The following SLC9B2 variants were observed in gnomAD, a reference collection of about 807,000 sequenced individuals.
SLC9B2 encodes the protein sodium/hydrogen exchanger 9B2.
A neutral mutation model predicts 52.2 loss-of-function variants in SLC9B2; 39 were observed. That is an observed-to-expected ratio of 0.75 (90% CI 0.58 to 0.98). SLC9B2 has a LOEUF of 0.98. Among genes scored for constraint, SLC9B2 ranks in the 50% least tolerant of loss-of-function variants. The probability of loss-of-function intolerance (pLI) is 0.00; values close to 1 mark genes in which losing one functional copy is unlikely to be tolerated. For synonymous variants in SLC9B2, 214 were observed against 227.0 expected (o/e 0.94, Z 0.51); for missense variants, 626 against 637.5 (o/e 0.98, Z 0.19).
At chr4:103,049,731 G>C (rs776693087) in intron 5 of SLC9B2, among the ~76,000 whole-genome samples, 10 of 152,282 alleles carry the variant, frequency 6.6e-5, no homozygotes, top group Non-Finnish European at 1.5e-4. Context: ...AATGAGACCG[G>C]CTGGGCGCAG....
At position 103,030,922 on chromosome 4, in the gene SLC9B2, C is replaced by T. The variant is rs1428083057; in HGVS notation, c.1255+778G>A. On this transcript the variant is annotated intron_variant, in intron 10 of 11. Coordinates refer to ENST00000394785, the MANE Select transcript of SLC9B2 (RefSeq NM_178833.7). ...GATACCTCATGTAAGTGGAATCATA[C>T]AGGGTTAGTCTTTTTCTGACTGGCT... Among the ~76,000 whole-genome samples, 3 of 152,156 alleles carry T rather than the reference C, an allele frequency of 2.0e-5. No individual in the cohort carries two copies. In the East Asian group the frequency reaches 5.8e-4, roughly 29 times the overall value.
intron 9 of SLC9B2, among the ~76,000 whole-genome samples, chr4:103,035,034 G>C (rs571512002): frequency 6.6e-6 from 1 of 152,200 alleles, no homozygotes; most frequent in African/African-American, 2.4e-5. Context: ...TGTTACATAG[G>C]TAAACTTGTG....
chr4:103,042,655 A>G (rs1743737462), intron 9 of SLC9B2, among the ~76,000 whole-genome samples: 1 of 151,534 alleles, frequency 6.6e-6, no homozygotes, highest in Non-Finnish European at 1.5e-5. Context: ...GATCAGAAAA[A>G]CAGATCCTCT....
In SLC9B2 at chr4:103,022,296, T is replaced by G. The variant is rs539333822; in HGVS notation, c.*4074A>C. On this transcript the variant is annotated 3_prime_UTR_variant, in exon 12 of 12. Coordinates refer to ENST00000394785, the MANE Select transcript of SLC9B2 (RefSeq NM_178833.7). ...TGTTTTATTCATTGCAAAATGAATA[T>G]CTGAATATAAACATGAAGGCTTAGC... Among the ~76,000 whole-genome samples, 2 of 152,302 alleles carry G rather than the reference T, an allele frequency of 1.3e-5. No homozygotes were observed. The highest frequency in any genetic ancestry group is 4.1e-4 in the South Asian group (2 of 4,828).
At chr4:103,044,406 G>A (rs192969923) in intron 8 of SLC9B2, among the ~76,000 whole-genome samples, 166 of 152,274 alleles carry the variant, frequency 1.1e-3, no homozygotes, top group African/African-American at 3.6e-3. Context: ...ACTGATTTAT[G>A]TATGTGTGTA....
downstream of SLC9B2, chr4:103,019,805 G>C: frequency 1.0e-6 from 1 of 985,616 alleles, no homozygotes; most frequent in Non-Finnish European, 1.2e-6. Context: ...AGGGTTCTGG[G>C]GTTTCTGGGA....
chr4:103,065,684 G>C (rs1002913431), intron 3 of SLC9B2: 2 of 152,020 alleles, frequency 1.3e-5, no homozygotes, highest in Non-Finnish European at 2.9e-5. Context: ...AAGAAAAATA[G>C]GGCATAAATC....
chr4:103,072,645 T>C (rs1746766811), intron 1 of SLC9B2, among the ~76,000 whole-genome samples: 1 of 152,250 alleles, frequency 6.6e-6, no homozygotes, highest in South Asian at 2.1e-4. Context: ...CAAATGTCCG[T>C]AGGCTCTCGG....
chr4:103,050,829 C>G (rs1247672080), intron 4 of SLC9B2, among the ~76,000 whole-genome samples: 2 of 152,210 alleles, frequency 1.3e-5, no homozygotes, highest in East Asian at 3.8e-4. Flanking sequence ...GACAGATAAT[C>G]TACTTTGCAA....
intron 1 of SLC9B2, among the ~76,000 whole-genome samples, chr4:103,070,791 T>G (rs1746548193): frequency 6.6e-6 from 1 of 152,114 alleles, no homozygotes; most frequent in Admixed American, 6.5e-5. Flanking sequence ...TTTCAAACCC[T>G]CAGAAGATTA....
Position 103,066,319 on chromosome 4 carries a change from A to G in SLC9B2, c.271+8T>C. The G allele has an allele frequency of 6.2e-7, 1 of 1,607,162 alleles. No individual in the cohort carries two copies. Among genetic ancestry groups the G allele is most frequent in the Non-Finnish European group, 8.5e-7 (1 of 1,175,930 alleles). The stretch of plus-strand genomic sequence containing the variant: ...TCTTTTGCCATCTCTTTCTGAATTC[A>G]TCCTTACCATTTGTTATGACCCTGT... On this transcript the variant is annotated splice_region_variant and intron_variant, in intron 3 of 11. Coordinates refer to ENST00000394785, the MANE Select transcript of SLC9B2 (RefSeq NM_178833.7).
At chr4:103,053,527 T>A (rs1379478194) in intron 4 of SLC9B2, among the ~76,000 whole-genome samples, 2 of 152,150 alleles carry the variant, frequency 1.3e-5, no homozygotes, top group African/African-American at 4.8e-5. Context: ...GCAATAGGCA[T>A]GGAGTGAAAA....
At chr4:103,042,043 T>C (rs1053625408) in intron 9 of SLC9B2, 1 of 152,148 alleles carries the variant, frequency 6.6e-6, no homozygotes, top group Non-Finnish European at 1.5e-5. Context: ...ATGAGTTGAT[T>C]TCAATTTGCA....
chr4:103,060,896 C>T (rs185041284), intron 3 of SLC9B2, among the ~76,000 whole-genome samples: 3 of 152,200 alleles, frequency 2.0e-5, no homozygotes, highest in Admixed American at 6.5e-5. Context: ...GGCGACTCCA[C>T]ACCTGCCCCA....
At chr4:103,051,503 G>A (rs1033692431) in intron 4 of SLC9B2, among the ~76,000 whole-genome samples, 1 of 148,412 alleles carries the variant, frequency 6.7e-6, no homozygotes, top group African/African-American at 2.6e-5. Context: ...GGAAAGTCTC[G>A]TAAGTTCTGA....
intron 11 of SLC9B2, among the ~76,000 whole-genome samples, chr4:103,028,450 C>G (rs6848961): frequency 0.96 from 145,749 of 152,132 alleles, 69,852 homozygotes; most frequent in East Asian, 1. Flanking sequence ...GGGTGACTTA[C>G]AGAGTGCCGA....
Position 103,068,250 on chromosome 4 carries a change from C to T in SLC9B2, c.-42-658G>A, listed in dbSNP as rs114236878. Among the ~76,000 whole-genome samples the T allele has an allele frequency of 3.3e-3, 505 of 152,270 alleles. 3 individuals carry two copies. The highest frequency in any genetic ancestry group is 0.011 in the African/African-American group (461 of 41,548). ...ATAACTAAGAAAACCTGTAAGACTA[C>T]GGATTGGCTCAATAAACACTCACTT... On this transcript the variant is annotated intron_variant, in intron 1 of 11. Transcript: ENST00000394785.
At chr4:103,054,209 C>T (rs1367851432) in intron 4 of SLC9B2, among the ~76,000 whole-genome samples, 3 of 152,100 alleles carry the variant, frequency 2.0e-5, no homozygotes, top group Non-Finnish European at 4.4e-5. Flanking sequence ...ATTGAGGATG[C>T]AGTGAGCCAT....
At chr4:103,045,055 T>C (rs1743999395) in intron 7 of SLC9B2, 59 bp from the exon 8 acceptor site, 3 of 1,091,054 alleles carry the variant, frequency 2.7e-6, no homozygotes, top group East Asian at 2.4e-5. Context: ...CAGGTTTTAT[T>C]CCACAATCAT....
Sources: allele counts gnomAD v4.1 joint callset (sites outside exome capture counted in the v4.1 genomes callset), GRCh38; gene constraint gnomAD v4.1.1; transcripts MANE v1.5; gene names NCBI Gene and HGNC (gene_info 2026-07-23, HGNC 2026-07-21).